TAFA1: variants seen among roughly 807,000 people sequenced by gnomAD.
The protein encoded by TAFA1 is chemokine-like protein TAFA-1.
A neutral mutation model predicts 18.5 loss-of-function variants in TAFA1; 4 were observed. The ratio of observed to expected loss-of-function variants is 0.22; its 90% CI spans 0.11 to 0.49. The LOEUF is 0.49. Ranked by LOEUF, TAFA1 falls within the 20% of genes least tolerant of loss-of-function variation. The probability of loss-of-function intolerance (pLI) is 0.98; values close to 1 mark genes in which losing one functional copy is unlikely to be tolerated. For synonymous variants in TAFA1, 56 were observed against 55.2 expected (o/e 1.01, Z -0.06); for missense variants, 147 against 169.0 (o/e 0.87, Z 0.72).
chr3:68,539,675 GT>G (rs1312692128), intron 4 of TAFA1, among the ~76,000 whole-genome samples: 6 of 18,422 alleles, frequency 3.3e-4, no homozygotes, highest in Non-Finnish European at 1.2e-3. Flanking sequence ...CTGTGTGTGT[GT>G]GTGGGGGGGC....
intron 2 of TAFA1, among the ~76,000 whole-genome samples, chr3:68,397,436 T>C (rs1444502051): frequency 1.3e-5 from 2 of 152,190 alleles, no homozygotes; most frequent in Non-Finnish European, 2.9e-5. Flanking sequence ...CCTGTGTTAG[T>C]TTGCTGAGAA....
At chr3:68,172,638 A>G (rs2066071009) in intron 2 of TAFA1, among the ~76,000 whole-genome samples, 1 of 152,212 alleles carries the variant, frequency 6.6e-6, no homozygotes. Context: ...CAGCTGCTGA[A>G]TCAATAAATA....
intron 2 of TAFA1, among the ~76,000 whole-genome samples, chr3:68,045,391 G>T (rs1324048815): frequency 6.6e-6 from 1 of 152,188 alleles, no homozygotes; most frequent in East Asian, 1.9e-4. Flanking sequence ...TCTGGCAAAA[G>T]ATAAGAATAC....
At chr3:68,274,939 A>G (rs2067765300) in intron 2 of TAFA1, among the ~76,000 whole-genome samples, 1 of 152,094 alleles carries the variant, frequency 6.6e-6, no homozygotes, top group African/African-American at 2.4e-5. Context: ...AACATAGACC[A>G]TATACAATTT....
At chr3:68,356,521 C>G (rs952963600) in intron 2 of TAFA1, among the ~76,000 whole-genome samples, 2 of 151,802 alleles carry the variant, frequency 1.3e-5, no homozygotes, top group Non-Finnish European at 2.9e-5. Context: ...AAATCAATAG[C>G]TACCCTAGCT....
intron 2 of TAFA1, among the ~76,000 whole-genome samples, chr3:68,158,351 A>G (rs953758071): frequency 6.6e-6 from 1 of 152,128 alleles, no homozygotes; most frequent in Non-Finnish European, 1.5e-5. Flanking sequence ...TGTGTGCAGC[A>G]TACGGTATAG....
intron 3 of TAFA1, among the ~76,000 whole-genome samples, chr3:68,475,406 C>T (rs4082810): frequency 4.0e-5 from 6 of 150,546 alleles, no homozygotes; most frequent in Non-Finnish European, 7.4e-5. Flanking sequence ...GAGAACATGT[C>T]GTGTTTGGTT....
At chr3:68,047,372 A>G (rs534975697) in intron 2 of TAFA1, among the ~76,000 whole-genome samples, 6 of 152,314 alleles carry the variant, frequency 3.9e-5, no homozygotes, top group African/African-American at 1.4e-4. Flanking sequence ...AAAATGCATA[A>G]ATTCAAGAAG....
chr3:68,342,929 AC>A (rs1427854299), intron 2 of TAFA1, among the ~76,000 whole-genome samples: 1 of 152,210 alleles, frequency 6.6e-6, no homozygotes, highest in Non-Finnish European at 1.5e-5. Context: ...GATTCTTCAC[AC>A]ACACAAAGTA....
intron 2 of TAFA1, among the ~76,000 whole-genome samples, chr3:68,010,411 AG>A (rs1704449322): frequency 6.6e-6 from 1 of 152,204 alleles, no homozygotes; most frequent in Non-Finnish European, 1.5e-5. Context: ...CCAGCCAGCC[AG>A]GGTCCTTTAG....
chr3:68,061,512 T>C (rs116410430), intron 2 of TAFA1, among the ~76,000 whole-genome samples: 1,757 of 152,260 alleles, frequency 0.012, 41 homozygotes, highest in African/African-American at 0.039. Flanking sequence ...AGGAATGGCA[T>C]ATACATCCTC....
intron 2 of TAFA1, among the ~76,000 whole-genome samples, chr3:68,061,102 G>T (rs2064596735): frequency 6.6e-6 from 1 of 152,150 alleles, no homozygotes; most frequent in Non-Finnish European, 1.5e-5. Context: ...TGCCTAAACC[G>T]AGTGGACAGC....
chr3:68,449,049 T>A (rs2071522236), intron 3 of TAFA1, among the ~76,000 whole-genome samples: 1 of 152,186 alleles, frequency 6.6e-6, no homozygotes, highest in African/African-American at 2.4e-5. Flanking sequence ...TAGATTTATT[T>A]CCATGCTAAG....
chr3:68,504,463 C>T (rs2072714397), intron 3 of TAFA1, among the ~76,000 whole-genome samples: 1 of 152,184 alleles, frequency 6.6e-6, no homozygotes, highest in Non-Finnish European at 1.5e-5. Flanking sequence ...ATGATCCAAG[C>T]ATGACAGCCA....
chr3:68,510,511 T>C (rs1260264439), intron 3 of TAFA1, among the ~76,000 whole-genome samples: 17 of 152,270 alleles, frequency 1.1e-4, no homozygotes. Context: ...CATGGTTGAC[T>C]GGGTACAGTA....
At chr3:68,202,957 C>T (rs2066484890) in intron 2 of TAFA1, among the ~76,000 whole-genome samples, 2 of 151,700 alleles carry the variant, frequency 1.3e-5, no homozygotes, top group African/African-American at 2.4e-5. Context: ...TATTTCTTCT[C>T]TCTAAAGAAC....
chr3:68,303,831 C>G (rs190237759), intron 2 of TAFA1, among the ~76,000 whole-genome samples: 10 of 151,804 alleles, frequency 6.6e-5, no homozygotes, highest in Admixed American at 6.6e-4. Context: ...GACATGTATT[C>G]GAAAAGCAGC....
rs1575848573 is a variant in TAFA1, at chr3:68,417,313, G to A, written c.152G>A (p.Arg51Gln). Reference protein sequence around the residue: ...GGTCEVIAAHRCCNKNRIEER... With the variant: ...GGTCEVIAAHQCCNKNRIEER... ...ACGTGTGAAGTGATAGCAGCACACCGATGTTGTAACAAGAATCGCATTGAG... is the reference window on the plus strand; with the variant it reads ...ACGTGTGAAGTGATAGCAGCACACCAATGTTGTAACAAGAATCGCATTGAG... Residue 51 changes from arginine to glutamine, a missense_variant, in exon 3 of 5, where the codon CGA becomes CAA. Coordinates refer to ENST00000478136, the MANE Select transcript of TAFA1 (RefSeq NM_213609.4). 2.5e-6 allele frequency: 4 copies of A among 1,613,376 alleles called. No individual in the cohort carries two copies. Among genetic ancestry groups the A allele is most frequent in the Non-Finnish European group, 3.4e-6 (4 of 1,179,606 alleles).
At chr3:68,223,041 C>G (rs1575689274) in intron 2 of TAFA1, among the ~76,000 whole-genome samples, 1 of 152,150 alleles carries the variant, frequency 6.6e-6, no homozygotes, top group South Asian at 2.1e-4. Flanking sequence ...TTTTTTCCCA[C>G]AAATATGACA....
Sources: allele counts gnomAD v4.1 joint callset (sites outside exome capture counted in the v4.1 genomes callset), GRCh38; gene constraint gnomAD v4.1.1; transcripts MANE v1.5; gene names NCBI Gene and HGNC (gene_info 2026-07-23, HGNC 2026-07-21).